Variants in GAP43 observed in about 807,000 individuals in gnomAD.
GAP43 encodes growth associated protein 43, also known as neuromodulin.
GAP43 carries 6 observed loss-of-function variants against 18.6 expected under a neutral mutation model. The ratio of observed to expected loss-of-function variants is 0.32; its 90% CI spans 0.18 to 0.64. GAP43 has a LOEUF of 0.64. Among genes scored for constraint, GAP43 ranks in the 30% least tolerant of loss-of-function variants. The pLI is 0.78. For synonymous variants in GAP43, 115 were observed against 111.4 expected, an observed-to-expected ratio of 1.03 and a Z score of -0.20; for missense variants, 292 against 295.5, an observed-to-expected ratio of 0.99 and a Z score of 0.09.
At chr3:115,663,721 A>G in intron 1 of GAP43, 1 of 1,520,280 alleles carries the variant, frequency 6.6e-7, no homozygotes, top group East Asian at 2.5e-5. Context: ...TTGGACTGAC[A>G]GCTCTACAGC....
intron 1 of GAP43, among the ~76,000 whole-genome samples, chr3:115,666,369 CTGAG>C (rs1708733066): frequency 3.3e-5 from 5 of 152,144 alleles, no homozygotes; most frequent in African/African-American, 9.7e-5. Flanking sequence ...TTTCCACCCT[CTGAG>C]TGATGATACC....
chr3:115,685,771 A>G (rs1709023987), intron 2 of GAP43, among the ~76,000 whole-genome samples: 1 of 152,214 alleles, frequency 6.6e-6, no homozygotes, highest in South Asian at 2.1e-4. Flanking sequence ...CATTGGTGTA[A>G]TCAAATCCTT....
chr3:115,693,716 G>A (rs3772931), intron 2 of GAP43, among the ~76,000 whole-genome samples: 28,849 of 135,086 alleles, frequency 0.21, 3,318 homozygotes, highest in Admixed American at 0.37. Context: ...GAAGGAAACC[G>A]AAAGAGAGAA....
chr3:115,715,800 G>A lies in GAP43; in HGVS notation c.629-4994G>A, dbSNP rs771253614. ...TTGTAATCTTCAGACCTACATAGCT[G>A]TGGACCGGACTCCCTGCTTTAGTTA... On this transcript the variant is annotated intron_variant, in intron 2 of 2. Coordinates refer to ENST00000305124, the MANE Select transcript of GAP43 (RefSeq NM_002045.4). Among the ~76,000 whole-genome samples, 4 of 152,198 alleles carry A rather than the reference G, an allele frequency of 2.6e-5. No individual in the cohort carries two copies. The South Asian group carries it at 8.3e-4, about 32-fold the overall frequency.
intron 1 of GAP43, among the ~76,000 whole-genome samples, chr3:115,627,887 A>G (rs1283126678): frequency 6.6e-6 from 1 of 152,154 alleles, no homozygotes; most frequent in Admixed American, 6.5e-5. Flanking sequence ...GAAGAATATT[A>G]TACTGTGAGT....
chr3:115,694,558 C>T (rs1315204571), intron 2 of GAP43, among the ~76,000 whole-genome samples: 1 of 152,154 alleles, frequency 6.6e-6, no homozygotes, highest in East Asian at 1.9e-4. Context: ...CATGGAGTTT[C>T]TTGTTTAAGC....
intron 1 of GAP43, among the ~76,000 whole-genome samples, chr3:115,668,804 C>T (rs1449495922): frequency 3.3e-5 from 5 of 151,882 alleles, no homozygotes; most frequent in South Asian, 2.1e-4. Context: ...TTTGGGAGGC[C>T]GAGGCAGGAA....
At chr3:115,719,928 G>A in intron 2 of GAP43, among the ~76,000 whole-genome samples, 1 of 152,150 alleles carries the variant, frequency 6.6e-6, no homozygotes, top group Non-Finnish European at 1.5e-5. Context: ...ACTGAGTTCT[G>A]TCGGGAAACA....
intron 2 of GAP43, among the ~76,000 whole-genome samples, chr3:115,686,629 C>T (rs899115065): frequency 6.6e-6 from 1 of 152,144 alleles, no homozygotes; most frequent in African/African-American, 2.4e-5. Flanking sequence ...ATAAAATTCT[C>T]AAATCTTGGA....
intron 1 of GAP43, among the ~76,000 whole-genome samples, chr3:115,625,044 T>C (rs1708169286): frequency 6.6e-6 from 1 of 151,686 alleles, no homozygotes; most frequent in African/African-American, 2.4e-5. Context: ...ACTCCCTGAA[T>C]CCGAAGGGGG....
At chr3:115,704,669 A>G (rs283394) in intron 2 of GAP43, among the ~76,000 whole-genome samples, 152,152 of 152,156 alleles carry the variant, frequency 1, 76,074 homozygotes, top group Non-Finnish European at 1. Flanking sequence ...AGAGAGGATT[A>G]GAGTAATACA....
chr3:115,653,153 T>C (rs185388478), intron 1 of GAP43, among the ~76,000 whole-genome samples: 28 of 152,228 alleles, frequency 1.8e-4, no homozygotes, highest in African/African-American at 6.5e-4. Context: ...AAATATGAGG[T>C]ACTGGGCTAG....
At chr3:115,625,073 A>G (rs1361952136) in intron 1 of GAP43, among the ~76,000 whole-genome samples, 2 of 152,024 alleles carry the variant, frequency 1.3e-5, no homozygotes, top group Non-Finnish European at 2.9e-5. Flanking sequence ...AGTGGAGAAG[A>G]AACAGCCTGC....
intron 1 of GAP43, among the ~76,000 whole-genome samples, chr3:115,636,239 T>C: frequency 6.6e-6 from 1 of 152,260 alleles, no homozygotes; most frequent in African/African-American, 2.4e-5. Flanking sequence ...TCTACTCCCC[T>C]ACTCTTAACA....
intron 1 of GAP43, among the ~76,000 whole-genome samples, chr3:115,671,624 G>A (rs919178963): frequency 3.3e-5 from 5 of 152,180 alleles, no homozygotes; most frequent in African/African-American, 1.2e-4. Flanking sequence ...TACTGCACTG[G>A]AATGTCCTCT....
chr3:115,683,369 A>G (rs1708989414), intron 2 of GAP43, among the ~76,000 whole-genome samples: 1 of 152,196 alleles, frequency 6.6e-6, no homozygotes, highest in African/African-American at 2.4e-5. Flanking sequence ...AGAAGAGTCA[A>G]TTCTAAGAAA....
chr3:115,687,401 G>A (rs1311913350), intron 2 of GAP43, among the ~76,000 whole-genome samples: 1 of 151,400 alleles, frequency 6.6e-6, no homozygotes, highest in Non-Finnish European at 1.5e-5. Context: ...TCGCAGATAG[G>A]ACTGGTGTGA....
chr3:115,623,886 C>G (rs1216373001), intron 1 of GAP43, among the ~76,000 whole-genome samples, 167 bp downstream of exon 1: 1 of 152,114 alleles, frequency 6.6e-6, no homozygotes, highest in African/African-American at 2.4e-5. Flanking sequence ...TCTTTTCTGT[C>G]TTTCATGCTC....
chr3:115,707,148 T>G (rs1184125749), intron 2 of GAP43, among the ~76,000 whole-genome samples: 2 of 152,210 alleles, frequency 1.3e-5, no homozygotes, highest in Non-Finnish European at 2.9e-5. Flanking sequence ...AATATGTCAT[T>G]TATTGATATG....
Sources: gnomAD v4.1 joint callset for allele counts (sites outside exome capture counted in the v4.1 genomes callset) on GRCh38, gnomAD v4.1.1 for gene constraint, MANE v1.5 for transcripts, NCBI Gene and HGNC (gene_info 2026-07-23, HGNC 2026-07-21) for gene names.